The following FAM153A variants were observed in gnomAD, a reference collection of about 807,000 sequenced individuals.
FAM153A encodes the protein family with sequence similarity 153 member A, also known as protein FAM153A.
Under a neutral mutation model 48.1 loss-of-function variants are expected in FAM153A, and 12 were observed. The ratio of observed to expected loss-of-function variants is 0.25; its 90% CI spans 0.16 to 0.40. The LOEUF (loss-of-function observed/expected upper bound fraction) is 0.40. Ranked by LOEUF, FAM153A falls within the 10% of genes least tolerant of loss-of-function variation. The pLI is 1.00. For synonymous variants in FAM153A, 36 were observed against 118.2 expected, an observed-to-expected ratio of 0.30 and a Z score of 4.51; for missense variants, 111 against 345.8, an observed-to-expected ratio of 0.32 and a Z score of 5.38.
At chr5:177,707,935 C>T (rs925640204), downstream of FAM153A, 1 of 151,840 alleles carries the variant, frequency 6.6e-6, no homozygotes, top group Non-Finnish European at 1.5e-5. Context: ...GTATTAAACT[C>T]CTGGGTTGTT....
At chr5:177,746,096 A>G (rs62398547) in intron 4 of FAM153A, among the ~76,000 whole-genome samples, 39,627 of 151,096 alleles carry the variant, frequency 0.26, 5,896 homozygotes, top group South Asian at 0.4. Context: ...TCCCGAGTTC[A>G]CATGTGCCTC....
At chr5:177,702,425 T>C in the FAM153A span, among the ~76,000 whole-genome samples, 1 of 151,736 alleles carries the variant, frequency 6.6e-6, no homozygotes, top group Admixed American at 6.6e-5. Context: ...AGTTGGAACT[T>C]ATATTTAAAG....
At chr5:177,767,935 G>A (rs1768835534) in intron 1 of FAM153A, among the ~76,000 whole-genome samples, 1 of 89,842 alleles carries the variant, frequency 1.1e-5, no homozygotes, top group African/African-American at 4.2e-5. Flanking sequence ...CACAAACTGG[G>A]CATCCTCTAA....
rs574230275 is a variant in FAM153A, at chr5:177,738,379, C to T, written c.562+734G>A. Reference sequence around the variant, plus strand: ...TGTCTGTTTCCCATGTGTCACCACACCAAAGTCCACTGTAAAATGTACTTA... The same window carrying T: ...TGTCTGTTTCCCATGTGTCACCACATCAAAGTCCACTGTAAAATGTACTTA... On this transcript the variant is annotated intron_variant, in intron 10 of 20. Coordinates refer to ENST00000614127, the Ensembl canonical transcript of FAM153A. Among the ~76,000 whole-genome samples, 30 of 151,546 alleles carry T rather than the reference C, an allele frequency of 2.0e-4. No homozygotes were observed. In the South Asian group the frequency reaches 5.6e-3, roughly 28 times the overall value.
chr5:177,735,262 CTGTT>C (rs1764530072), intron 12 of FAM153A, among the ~76,000 whole-genome samples: 1 of 147,494 alleles, frequency 6.8e-6, no homozygotes, highest in African/African-American at 2.6e-5. Context: ...TGCTGCTGAT[CTGTT>C]TATCATCCCT....
intron 16 of FAM153A, among the ~76,000 whole-genome samples, chr5:177,730,922 T>C (rs1582339166): frequency 2.0e-5 from 2 of 99,896 alleles, no homozygotes; most frequent in African/African-American, 7.7e-5. Flanking sequence ...GATCCTTGTG[T>C]TGTGCTTTGA....
At chr5:177,695,591 A>C in the FAM153A span, among the ~76,000 whole-genome samples, 2 of 152,274 alleles carry the variant, frequency 1.3e-5, no homozygotes, top group Middle Eastern at 3.2e-3. Flanking sequence ...GTTATAGATT[A>C]ACAGCATCCC....
chr5:177,696,076 C>T, the FAM153A span, among the ~76,000 whole-genome samples: 577 of 137,742 alleles, frequency 4.2e-3, 8 homozygotes, highest in Non-Finnish European at 5.1e-3. Context: ...GATGGGCGGC[C>T]GGGCAGAGGC....
intron 10 of FAM153A, among the ~76,000 whole-genome samples, chr5:177,738,906 G>A (rs567610676): frequency 2.7e-5 from 4 of 150,882 alleles, no homozygotes; most frequent in African/African-American, 4.9e-5. Flanking sequence ...CACCTCATTC[G>A]ATTTCATAGA....
Position 177,738,131 on chromosome 5 carries a change from T to C in FAM153A, c.562+982A>G, listed in dbSNP as rs894963179. Among the ~76,000 whole-genome samples the C allele has an allele frequency of 7.3e-5, 11 of 151,186 alleles. 1 individual carries two copies. Among genetic ancestry groups the C allele is most frequent in the African/African-American group, 2.7e-4 (11 of 40,520 alleles). ...GCTGAACCTCTCCAACCCAGCTGTATAGAAGAGTCCAGCAGAGAAGATGAG... is the reference window on the plus strand; with the variant it reads ...GCTGAACCTCTCCAACCCAGCTGTACAGAAGAGTCCAGCAGAGAAGATGAG... On this transcript the variant is annotated intron_variant, in intron 10 of 20. Coordinates refer to ENST00000614127, the Ensembl canonical transcript of FAM153A.
chr5:177,778,148 T>C (rs1769375625), intron 1 of FAM153A, among the ~76,000 whole-genome samples: 1 of 28,860 alleles, frequency 3.5e-5, no homozygotes, highest in South Asian at 1.9e-3. Flanking sequence ...AATTGGGAGA[T>C]ATACCTAATG....
At chr5:177,702,160 G>A in the FAM153A span, among the ~76,000 whole-genome samples, 18,355 of 151,742 alleles carry the variant, frequency 0.12, 1,437 homozygotes, top group East Asian at 0.34. Flanking sequence ...CACCTGCCTC[G>A]GCCTCCCACA....
chr5:177,704,909 G>A (rs564732179), downstream of FAM153A, among the ~76,000 whole-genome samples: 1 of 151,476 alleles, frequency 6.6e-6, no homozygotes, highest in East Asian at 1.9e-4. Flanking sequence ...GCTGAGGCAC[G>A]AGAGTTGCTT....
downstream of FAM153A, among the ~76,000 whole-genome samples, chr5:177,705,302 TCAAA>T (rs1213558089): frequency 4.6e-5 from 7 of 151,366 alleles, no homozygotes; most frequent in Non-Finnish European, 8.8e-5. Context: ...AGACTCCGTC[TCAAA>T]CAAACAAAAG....
rs1210246186 is a variant in FAM153A at position 177,745,895 on chromosome 5, G to A, written c.260-928C>T. Among the ~76,000 whole-genome samples, 22 of 151,528 alleles carry A rather than the reference G, an allele frequency of 1.5e-4. 1 individual carries two copies. Among genetic ancestry groups the A allele is most frequent in the African/African-American group, 5.1e-4 (21 of 40,858 alleles). On this transcript the variant is annotated intron_variant, in intron 4 of 20. Transcript: ENST00000614127. ...ATCACACTAAAGCCCACTGTGCAAT[G>A]TACCTACTCAAACAAACCCTGGGTT... is the stretch of plus-strand genomic sequence containing the variant.
At chr5:177,708,983 G>A (rs868212592), downstream of FAM153A, among the ~76,000 whole-genome samples, 2 of 148,658 alleles carry the variant, frequency 1.3e-5, no homozygotes, top group African/African-American at 5.0e-5. Context: ...TAGTCCCAGC[G>A]ACTCGGGAGG....
chr5:177,702,008 C>T, the FAM153A span, among the ~76,000 whole-genome samples: 326 of 151,466 alleles, frequency 2.2e-3, 8 homozygotes, highest in African/African-American at 7.6e-3. Context: ...CCCGGGTTCA[C>T]GCCATTCTCC....
rs2127715240 is a variant in FAM153A at position 177,765,324 on chromosome 5, C to T, written c.-57+15125G>A. Among the ~76,000 whole-genome samples the T allele has an allele frequency of 1.9e-5, 2 of 104,366 alleles. 1 individual carries two copies. The highest frequency in any genetic ancestry group is 6.1e-4 in the East Asian group (2 of 3,264). 68.5% of individuals were successfully genotyped at this position (104,366 alleles called of 152,430 possible). On this transcript the variant is annotated intron_variant, in intron 1 of 8. Transcript: ENST00000393518. ...CTGGCCTGGGACCATGTGAATTGCT[C>T]GGAACACCTGGATTAAGTCCAGTGA...
At chr5:177,712,873 T>C (rs1758715449) in exon 27 of FAM153A, 1 of 151,676 alleles carries the variant, frequency 6.6e-6, no homozygotes, top group Non-Finnish European at 1.5e-5. Context: ...TCCAGTTCTG[T>C]ACAACTGAGC....
Sources: allele counts gnomAD v4.1 joint callset (sites outside exome capture counted in the v4.1 genomes callset), GRCh38; gene constraint gnomAD v4.1.1; transcripts MANE v1.5; gene names NCBI Gene and HGNC (gene_info 2026-07-23, HGNC 2026-07-21).